CNOT2: variants seen among roughly 807,000 people sequenced by gnomAD.
CNOT2 encodes the protein CC chemokine receptor 4-negative regulator of transcription 2.
In CNOT2, 7 loss-of-function variants were observed where a neutral mutation model predicts 72.1. That is an observed-to-expected ratio of 0.10 (90% CI 0.06 to 0.18). The LOEUF (loss-of-function observed/expected upper bound fraction) is 0.18. CNOT2 is among the 10% of genes least tolerant of loss of function. The probability of loss-of-function intolerance (pLI) is 1.00; values close to 1 mark genes in which losing one functional copy is unlikely to be tolerated. For missense variants in CNOT2, 345 were observed against 660.3 expected (o/e 0.52, Z 5.23); for synonymous variants, 196 against 225.6 (o/e 0.87, Z 1.17).
chr12:70,294,407 G>A (rs1176748643), intron 2 of CNOT2: 1 of 526,356 alleles, frequency 1.9e-6, no homozygotes, highest in Non-Finnish European at 2.9e-6. Flanking sequence ...GAAATATAAT[G>A]TTTGTTATCA....
chr12:70,252,830 A>G (rs1203990941), intron 1 of CNOT2, among the ~76,000 whole-genome samples: 1 of 152,242 alleles, frequency 6.6e-6, no homozygotes, highest in Non-Finnish European at 1.5e-5. Context: ...AGTAGAACTG[A>G]TGTAAGGATT....
intron 1 of CNOT2, among the ~76,000 whole-genome samples, chr12:70,249,347 C>T (rs1330549341): frequency 6.6e-6 from 1 of 151,654 alleles, no homozygotes; most frequent in Non-Finnish European, 1.5e-5. Context: ...AAATGTTTTA[C>T]AGCTTGCAGA....
At chr12:70,266,814 A>T (rs932853085) in intron 1 of CNOT2, among the ~76,000 whole-genome samples, 1 of 152,006 alleles carries the variant, frequency 6.6e-6, no homozygotes, top group Non-Finnish European at 1.5e-5. Flanking sequence ...TTTCACCTGT[A>T]TGTTTCCTGT....
intron 2 of CNOT2, among the ~76,000 whole-genome samples, chr12:70,285,951 T>A (rs1303289414): frequency 6.6e-6 from 1 of 151,812 alleles, no homozygotes; most frequent in Admixed American, 6.6e-5. Flanking sequence ...CTCTCTGACC[T>A]CTTGAGAGTG....
chr12:70,348,640 A>C (rs889460283), intron 15 of CNOT2, among the ~76,000 whole-genome samples: 5 of 152,160 alleles, frequency 3.3e-5, no homozygotes, highest in African/African-American at 1.2e-4. Flanking sequence ...ACATAATTTT[A>C]GTTAAATTTT....
intron 1 of CNOT2, among the ~76,000 whole-genome samples, chr12:70,265,271 G>A (rs965993986): frequency 1.3e-5 from 1 of 74,460 alleles, no homozygotes; most frequent in African/African-American, 4.5e-5. Flanking sequence ...GTTTCGTTTT[G>A]TTTCTTCTCT....
chr12:70,265,457 T>C (rs1423974421), intron 1 of CNOT2, among the ~76,000 whole-genome samples: 1 of 152,066 alleles, frequency 6.6e-6, no homozygotes, highest in Non-Finnish European at 1.5e-5. Flanking sequence ...AGAGTTGTTC[T>C]GGTATTATTA....
At chr12:70,273,902 A>T (rs1242315784) in intron 1 of CNOT2, among the ~76,000 whole-genome samples, 1 of 152,148 alleles carries the variant, frequency 6.6e-6, no homozygotes, top group Admixed American at 6.5e-5. Flanking sequence ...GAAGACACAT[A>T]CAACATTGTT....
At chr12:70,282,858 T>G (rs1226493559) in intron 2 of CNOT2, among the ~76,000 whole-genome samples, 1 of 151,838 alleles carries the variant, frequency 6.6e-6, no homozygotes, top group Non-Finnish European at 1.5e-5. Context: ...TTATTTTGAG[T>G]AGGAAAAATC....
At chr12:70,326,957 A>T (rs1406637277) in intron 4 of CNOT2, among the ~76,000 whole-genome samples, 1 of 151,912 alleles carries the variant, frequency 6.6e-6, no homozygotes, top group Non-Finnish European at 1.5e-5. Context: ...CTAATTGGCC[A>T]AATAGCCTTA....
intron 1 of CNOT2, among the ~76,000 whole-genome samples, chr12:70,276,283 A>G (rs954120461): frequency 2.0e-5 from 3 of 152,014 alleles, no homozygotes; most frequent in Non-Finnish European, 4.4e-5. Context: ...GGTATTGAAA[A>G]TTATCTTACC....
intron 1 of CNOT2, among the ~76,000 whole-genome samples, chr12:70,277,380 G>T (rs1288079802): frequency 6.6e-6 from 1 of 151,496 alleles, no homozygotes; most frequent in African/African-American, 2.4e-5. Context: ...TTTATTTTTT[G>T]GTGGGAGGTG....
At chr12:70,308,413 A>G (rs952202575) in intron 2 of CNOT2, among the ~76,000 whole-genome samples, 9 of 151,790 alleles carry the variant, frequency 5.9e-5, no homozygotes, top group African/African-American at 2.2e-4. Context: ...CCCTCCCTCC[A>G]TCTGTCTTTC....
chr12:70,279,764 A>G (rs992606757), intron 2 of CNOT2, among the ~76,000 whole-genome samples: 6 of 152,342 alleles, frequency 3.9e-5, no homozygotes, highest in African/African-American at 1.4e-4. Flanking sequence ...AATTTGTCTC[A>G]TGGAACCACA....
chr12:70,279,160 A>G (rs888301327), intron 2 of CNOT2, among the ~76,000 whole-genome samples: 17 of 152,178 alleles, frequency 1.1e-4, no homozygotes, highest in African/African-American at 3.4e-4. Context: ...GAAGGCAGCT[A>G]GTATGATAGC....
chr12:70,255,044 G>A (rs528042706), intron 1 of CNOT2, among the ~76,000 whole-genome samples: 5 of 151,966 alleles, frequency 3.3e-5, no homozygotes, highest in African/African-American at 1.2e-4. Context: ...CTTTGGGAGG[G>A]GAGTTTGGAG....
At chr12:70,293,439 A>G (rs1872283231) in intron 2 of CNOT2, among the ~76,000 whole-genome samples, 1 of 152,182 alleles carries the variant, frequency 6.6e-6, no homozygotes, top group Admixed American at 6.5e-5. Context: ...GATTACAGGC[A>G]TGAGCCACTG....
rs540088687 is a variant in CNOT2, at chr12:70,346,144, G to A, written c.1392-36G>A. ...AGAACATGTTTGATGTAAGCCACAG[G>A]AAAAAGTTAATTATCTTTTCTTTTA... On this transcript the variant is annotated intron_variant, in intron 14 of 15. Transcript: ENST00000229195. The A allele has an allele frequency of 1.8e-5, 26 of 1,482,124 alleles. No homozygotes were observed. In the Admixed American group the frequency reaches 4.5e-4, roughly 26 times the overall value. 91.8% of individuals were successfully genotyped at this position (1,482,124 alleles called of 1,614,324 possible).
At chr12:70,263,815 ATCTT>A (rs1565741481) in intron 1 of CNOT2, among the ~76,000 whole-genome samples, 2 of 151,976 alleles carry the variant, frequency 1.3e-5, no homozygotes, top group African/African-American at 4.8e-5. Flanking sequence ...CTGGATACTG[ATCTT>A]TCTTCTCCTT....
Sources: gnomAD v4.1 joint callset for allele counts (sites outside exome capture counted in the v4.1 genomes callset) on GRCh38, gnomAD v4.1.1 for gene constraint, MANE v1.5 for transcripts, NCBI Gene and HGNC (gene_info 2026-07-23, HGNC 2026-07-21) for gene names.